The following CPED1 variants were observed in gnomAD, a reference collection of about 807,000 sequenced individuals.
CPED1 encodes cadherin-like and PC-esterase domain-containing protein 1.
Under a neutral mutation model 128.2 loss-of-function variants are expected in CPED1, and 114 were observed. The ratio of observed to expected loss-of-function variants is 0.89; its 90% CI spans 0.76 to 1.04. The LOEUF (loss-of-function observed/expected upper bound fraction) is 1.04, where lower values mean the gene tolerates loss of function less well. CPED1 is among the 50% of genes least tolerant of loss of function. The pLI, the probability that CPED1 is intolerant of heterozygous loss-of-function variation, is 0.00. For synonymous variants in CPED1, 462 were observed against 426.7 expected, an observed-to-expected ratio of 1.08 and a Z score of -1.02; for missense variants, 1,211 against 1,207.1, an observed-to-expected ratio of 1.00 and a Z score of -0.05.
intron 22 of CPED1, among the ~76,000 whole-genome samples, chr7:121,278,011 A>T (rs1792364303): frequency 6.6e-6 from 1 of 152,110 alleles, no homozygotes; most frequent in Non-Finnish European, 1.5e-5. Flanking sequence ...TTCCAAAATA[A>T]TGTTTTTGGC....
In CPED1 at chr7:121,124,420, A is replaced by C; in HGVS notation, c.1008A>C (p.Leu336=). The C allele has an allele frequency of 6.2e-7, 1 of 1,608,126 alleles. No individual in the cohort carries two copies. Among genetic ancestry groups the C allele is most frequent in the Non-Finnish European group, 8.5e-7 (1 of 1,176,384 alleles). The change falls in exon 8 of 23, where the codon CTA becomes CTC. Residue 336 remains leucine, a synonymous_variant. Transcript: ENST00000310396. ...IMKEAIGKLL[L]AAEVFSETST... ...AGGAAGCAATTGGCAAACTACTGCT[A>C]GCGGCTGAAGTATTCAGTGAAACAT...
rs1798474007 is a variant in CPED1, at chr7:121,244,349, G to T, written c.2310+11G>T. The stretch of plus-strand genomic sequence containing the variant: ...CTGGGAGGAAGGAAGGTAGGTTCTG[G>T]ATCTAGTGGGGGAAGCCTTTAATGT... On this transcript the variant is annotated intron_variant, in intron 18 of 22. Transcript: ENST00000310396. 6.2e-7 allele frequency: 1 copy of T among 1,613,820 alleles called. No homozygotes were observed. Among genetic ancestry groups the T allele is most frequent in the African/African-American group, 1.3e-5 (1 of 74,906 alleles).
chr7:121,177,334 A>G (rs1796804857), intron 16 of CPED1, among the ~76,000 whole-genome samples: 2 of 151,918 alleles, frequency 1.3e-5, no homozygotes, highest in South Asian at 2.1e-4. Context: ...GCTCATAGAA[A>G]GTGCTTAGTT....
chr7:121,286,409 C>T (rs936507117), intron 22 of CPED1, among the ~76,000 whole-genome samples: 1 of 152,160 alleles, frequency 6.6e-6, no homozygotes, highest in African/African-American at 2.4e-5. Flanking sequence ...TCCTCAGTGT[C>T]ATAACTAAAC....
intron 3 of CPED1, among the ~76,000 whole-genome samples, chr7:121,036,791 C>T (rs1419059160): frequency 1.3e-5 from 2 of 152,006 alleles, no homozygotes; most frequent in Non-Finnish European, 2.9e-5. Context: ...TACATTCATG[C>T]CAACATCTAT....
At chr7:121,036,507 A>ATATATT (rs1449540146) in intron 3 of CPED1, among the ~76,000 whole-genome samples, 50 of 133,896 alleles carry the variant, frequency 3.7e-4, no homozygotes, top group African/African-American at 7.1e-4. Context: ...ATATATATAT[A>ATATATT]TTTTTTTTTT....
chr7:121,247,195 T>G (rs1199290293), intron 18 of CPED1, among the ~76,000 whole-genome samples: 1 of 152,144 alleles, frequency 6.6e-6, no homozygotes, highest in African/African-American at 2.4e-5. Context: ...ATAGACTATA[T>G]CCAGAATAAT....
intron 16 of CPED1, among the ~76,000 whole-genome samples, chr7:121,207,884 C>A (rs1584597874): frequency 6.6e-6 from 1 of 152,128 alleles, no homozygotes; most frequent in East Asian, 1.9e-4. Context: ...AGATTTCCAA[C>A]TTATCCTAGA....
chr7:121,042,497 A>G (rs1344458426), intron 3 of CPED1, among the ~76,000 whole-genome samples: 1 of 152,180 alleles, frequency 6.6e-6, no homozygotes, highest in African/African-American at 2.4e-5. Context: ...GGTTGTTGGA[A>G]ATATTACATA....
intron 16 of CPED1, among the ~76,000 whole-genome samples, chr7:121,156,633 A>C (rs1029342452): frequency 6.6e-6 from 1 of 152,232 alleles, no homozygotes; most frequent in African/African-American, 2.4e-5. Context: ...GAGCTAAAAA[A>C]ATACATCTCA....
At position 121,193,395 on chromosome 7, in the gene CPED1, A is replaced by G. The variant is rs142730345; in HGVS notation, c.2056-43319A>G. On this transcript the variant is annotated intron_variant, in intron 16 of 22. Coordinates refer to ENST00000310396, the MANE Select transcript of CPED1 (RefSeq NM_024913.5). ...CTTTAGTTGAAAAAATAAACCATTT[A>G]TAGTACCCTAATACCTTTTAGGCTT... Among the ~76,000 whole-genome samples the G allele has an allele frequency of 1.6e-4, 24 of 152,284 alleles. No individual in the cohort carries two copies. The East Asian group carries it at 4.2e-3, about 27-fold the overall frequency.
At chr7:121,158,913 G>A (rs546859158) in intron 16 of CPED1, among the ~76,000 whole-genome samples, 97 of 152,258 alleles carry the variant, frequency 6.4e-4, no homozygotes, top group African/African-American at 2.1e-3. Context: ...CATGTTAAGA[G>A]GAAGGATTCC....
At chr7:121,158,964 C>T (rs1265344869) in intron 16 of CPED1, among the ~76,000 whole-genome samples, 2 of 152,140 alleles carry the variant, frequency 1.3e-5, no homozygotes, top group African/African-American at 4.8e-5. Flanking sequence ...CCAGTTAGAA[C>T]ACTTTTAACC....
chr7:120,999,375 C>G (rs1033560309), intron 2 of CPED1, among the ~76,000 whole-genome samples: 9 of 152,086 alleles, frequency 5.9e-5, no homozygotes, highest in African/African-American at 2.2e-4. Context: ...AGTCCTTAGC[C>G]TATAAACATT....
At chr7:121,226,181 T>C (rs2116636473) in intron 16 of CPED1, among the ~76,000 whole-genome samples, 1 of 152,256 alleles carries the variant, frequency 6.6e-6, no homozygotes, top group South Asian at 2.1e-4. Flanking sequence ...ATGTCCTTTT[T>C]GTTGATGTTG....
At chr7:121,162,741 A>T (rs1025843564) in intron 16 of CPED1, among the ~76,000 whole-genome samples, 1 of 152,202 alleles carries the variant, frequency 6.6e-6, no homozygotes, top group East Asian at 1.9e-4. Flanking sequence ...CCTCACCCTC[A>T]GACTCCACAT....
chr7:121,110,788 G>C (rs760002333), intron 7 of CPED1, among the ~76,000 whole-genome samples: 1 of 152,190 alleles, frequency 6.6e-6, no homozygotes, highest in Non-Finnish European at 1.5e-5. Flanking sequence ...AGCCCATTCT[G>C]CTGCTTTGTG....
intron 3 of CPED1, among the ~76,000 whole-genome samples, chr7:121,018,876 C>T (rs1480264847): frequency 6.6e-6 from 1 of 152,086 alleles, no homozygotes; most frequent in African/African-American, 2.4e-5. Flanking sequence ...TGCAATCAAA[C>T]TACAGAATTA....
At chr7:121,102,981 T>C (rs1794891095) in intron 7 of CPED1, among the ~76,000 whole-genome samples, 1 of 152,162 alleles carries the variant, frequency 6.6e-6, no homozygotes, top group African/African-American at 2.4e-5. Flanking sequence ...CTCTTAGGTA[T>C]TTTAAATAAT....
Sources: gnomAD v4.1 joint callset for allele counts (sites outside exome capture counted in the v4.1 genomes callset) on GRCh38, gnomAD v4.1.1 for gene constraint, MANE v1.5 for transcripts, NCBI Gene and HGNC (gene_info 2026-07-23, HGNC 2026-07-21) for gene names.